The following LRRC72 variants were observed in gnomAD, a reference collection of about 807,000 sequenced individuals.
LRRC72 encodes leucine-rich repeat-containing protein 72.
Under a neutral mutation model 35.8 loss-of-function variants are expected in LRRC72, and 41 were observed. That is an observed-to-expected ratio of 1.15 (90% CI 0.89 to 1.49). The LOEUF is 1.49. LRRC72 is among the 40% of genes most tolerant of loss of function. The pLI is 0.00. For missense variants in LRRC72, 389 were observed against 330.7 expected (o/e 1.18, Z -1.37); for synonymous variants, 118 against 119.2 (o/e 0.99, Z 0.07).
intron 2 of LRRC72, chr7:16,532,778 CTGTT>C: frequency 1.6e-6 from 1 of 620,082 alleles, no homozygotes; most frequent in South Asian, 1.7e-5. Flanking sequence ...TGGAGACAGG[CTGTT>C]TGAATCCCAG....
At chr7:16,551,489 G>A (rs1782547280) in intron 3 of LRRC72, among the ~76,000 whole-genome samples, 1 of 152,152 alleles carries the variant, frequency 6.6e-6, no homozygotes, top group South Asian at 2.1e-4. Context: ...AAATTAGAAG[G>A]TTGGGACTTC....
intron 3 of LRRC72, among the ~76,000 whole-genome samples, chr7:16,550,102 C>T (rs986925340): frequency 6.6e-6 from 1 of 151,892 alleles, no homozygotes; most frequent in Non-Finnish European, 1.5e-5. Flanking sequence ...GCCTGTAGTC[C>T]CAGCTACTTG....
At chr7:16,546,215 A>G (rs1286077796) in intron 3 of LRRC72, among the ~76,000 whole-genome samples, 1 of 152,212 alleles carries the variant, frequency 6.6e-6, no homozygotes, top group African/African-American at 2.4e-5. Flanking sequence ...ATACAATAAC[A>G]TACTGTTTTA....
chr7:16,553,622 A>T (rs554263403), intron 3 of LRRC72, among the ~76,000 whole-genome samples: 53 of 152,252 alleles, frequency 3.5e-4, no homozygotes, highest in African/African-American at 1.2e-3. Flanking sequence ...GACATTTCTG[A>T]TTGGGACGTG....
chr7:16,568,597 G>T (rs1292995479), intron 7 of LRRC72, among the ~76,000 whole-genome samples: 1 of 152,148 alleles, frequency 6.6e-6, no homozygotes, highest in Non-Finnish European at 1.5e-5. Flanking sequence ...ATAATGGCTG[G>T]AAATTTTCCC....
intron 3 of LRRC72, among the ~76,000 whole-genome samples, chr7:16,554,908 T>A (rs1007130747): frequency 2.6e-5 from 4 of 152,210 alleles, no homozygotes; most frequent in African/African-American, 9.6e-5. Flanking sequence ...GGTTGGCAGG[T>A]AACTGGAAGA....
intron 5 of LRRC72, among the ~76,000 whole-genome samples, chr7:16,561,750 T>C (rs1036212205): frequency 2.0e-5 from 3 of 152,246 alleles, no homozygotes; most frequent in African/African-American, 7.2e-5. Context: ...ATGTTCCATT[T>C]TGGTTAAAGA....
chr7:16,560,950 T>G (rs1782734935), intron 5 of LRRC72, among the ~76,000 whole-genome samples: 1 of 152,190 alleles, frequency 6.6e-6, no homozygotes, highest in Non-Finnish European at 1.5e-5. Context: ...TACAGCATCC[T>G]ATGATGTGAT....
chr7:16,552,390 C>T (rs138842221), intron 3 of LRRC72, among the ~76,000 whole-genome samples: 85 of 109,366 alleles, frequency 7.8e-4, no homozygotes, highest in East Asian at 7.2e-4. Flanking sequence ...CTCCAGAGCA[C>T]GTGAAAGGAA....
chr7:16,570,578 G>A (rs925743661), intron 7 of LRRC72, among the ~76,000 whole-genome samples: 1 of 152,132 alleles, frequency 6.6e-6, no homozygotes, highest in African/African-American at 2.4e-5. Context: ...CAGCACTTTG[G>A]GAGGGCTAGG....
chr7:16,556,654 C>A (rs1290347845), intron 3 of LRRC72, among the ~76,000 whole-genome samples: 1 of 151,900 alleles, frequency 6.6e-6, no homozygotes, highest in Admixed American at 6.6e-5. Flanking sequence ...ATACATGAGG[C>A]CATAAAGAAA....
chr7:16,537,739 T>C (rs1051417045), intron 3 of LRRC72, 43 bp downstream of exon 3: 8 of 1,143,074 alleles, frequency 7.0e-6, no homozygotes, highest in Non-Finnish European at 9.9e-6. Context: ...ATTAAACTAC[T>C]ATCTTAATTT....
chr7:16,529,345 G>A (rs1445577872), intron 1 of LRRC72, among the ~76,000 whole-genome samples: 2 of 152,026 alleles, frequency 1.3e-5, no homozygotes, highest in East Asian at 1.9e-4. Flanking sequence ...CCTGACTGTC[G>A]GTTGTGCCCT....
At chr7:16,543,602 A>G (rs1042628781) in intron 3 of LRRC72, among the ~76,000 whole-genome samples, 10 of 152,190 alleles carry the variant, frequency 6.6e-5, no homozygotes, top group African/African-American at 2.4e-4. Flanking sequence ...GTGGATCCTG[A>G]ACTGTCTAAG....
chr7:16,579,066 G>T (rs557603011), intron 7 of LRRC72, among the ~76,000 whole-genome samples: 1 of 152,212 alleles, frequency 6.6e-6, no homozygotes, highest in South Asian at 2.1e-4. Flanking sequence ...ATAGTTAGCC[G>T]TATTGTATAC....
chr7:16,561,292 A>C (rs1464237853), intron 5 of LRRC72, among the ~76,000 whole-genome samples: 1 of 152,062 alleles, frequency 6.6e-6, no homozygotes, highest in Non-Finnish European at 1.5e-5. Context: ...TACTTTAAAA[A>C]CTCTATAATT....
chr7:16,529,464 T>C (rs1297662054), intron 1 of LRRC72, among the ~76,000 whole-genome samples: 1 of 152,182 alleles, frequency 6.6e-6, no homozygotes, highest in Non-Finnish European at 1.5e-5. Flanking sequence ...TTAATGTTAC[T>C]ATCGTAATTG....
intron 7 of LRRC72, among the ~76,000 whole-genome samples, chr7:16,572,597 C>T (rs149576815): frequency 0.011 from 1,714 of 152,294 alleles, 29 homozygotes; most frequent in Middle Eastern, 0.044. Flanking sequence ...CAATAAAATT[C>T]AACACCCCTT....
chr7:16,565,080 T>A (rs970567086), intron 5 of LRRC72, among the ~76,000 whole-genome samples: 1 of 152,176 alleles, frequency 6.6e-6, no homozygotes, highest in Non-Finnish European at 1.5e-5. Flanking sequence ...CATCTAGTGG[T>A]TCTCCTTATT....
Sources: gnomAD v4.1 joint callset for allele counts (sites outside exome capture counted in the v4.1 genomes callset) on GRCh38, gnomAD v4.1.1 for gene constraint, MANE v1.5 for transcripts, NCBI Gene and HGNC (gene_info 2026-07-23, HGNC 2026-07-21) for gene names.